PCDHGA11: variants seen among roughly 807,000 people sequenced by gnomAD.
The protein encoded by PCDHGA11 is protocadherin gamma subfamily A, 11.
Under a neutral mutation model 60.4 loss-of-function variants are expected in PCDHGA11, and 39 were observed. The ratio of observed to expected loss-of-function variants is 0.65; its 90% CI spans 0.50 to 0.84. The LOEUF (loss-of-function observed/expected upper bound fraction) is 0.84, where lower values mean the gene tolerates loss of function less well. Among genes scored for constraint, PCDHGA11 ranks in the 40% least tolerant of loss-of-function variants. The probability of loss-of-function intolerance (pLI) is 0.00; values close to 1 mark genes in which losing one functional copy is unlikely to be tolerated. For missense variants in PCDHGA11, 1,165 were observed against 1,197.7 expected (o/e 0.97, Z 0.40); for synonymous variants, 533 against 510.3 (o/e 1.04, Z -0.60).
intron 1 of PCDHGA11, among the ~76,000 whole-genome samples, chr5:141,434,567 C>T (rs1220152239): frequency 6.6e-6 from 1 of 152,206 alleles, no homozygotes; most frequent in East Asian, 1.9e-4. Flanking sequence ...TAAGGACATG[C>T]CCCTGCTGCA....
chr5:141,434,261 G>A (rs1269166732), intron 1 of PCDHGA11, among the ~76,000 whole-genome samples: 2 of 152,194 alleles, frequency 1.3e-5, no homozygotes. Context: ...TTGTGGGGGA[G>A]GTGGAAATTA....
At chr5:141,444,059 T>C (rs2098415588) in intron 1 of PCDHGA11, among the ~76,000 whole-genome samples, 1 of 150,620 alleles carries the variant, frequency 6.6e-6, no homozygotes, top group Admixed American at 6.6e-5. Flanking sequence ...ATCTTCAATC[T>C]AGATTCTGAT....
At chr5:141,478,161 C>T (rs201111122) in intron 1 of PCDHGA11, 20 of 1,613,852 alleles carry the variant, frequency 1.2e-5, no homozygotes, top group Admixed American at 3.3e-5. Context: ...TCTGGCTCTG[C>T]CCCCCGGGAG....
intron 1 of PCDHGA11, among the ~76,000 whole-genome samples, chr5:141,433,948 T>C (rs1473404279): frequency 2.0e-5 from 3 of 152,234 alleles, no homozygotes; most frequent in Non-Finnish European, 4.4e-5. Context: ...CATTGTTTCT[T>C]CTACAGTTGT....
At chr5:141,507,262 G>A (rs1294679320) in intron 3 of PCDHGA11, 6 of 151,748 alleles carry the variant, frequency 4.0e-5, no homozygotes, top group Non-Finnish European at 8.8e-5. Flanking sequence ...TAAACAGCAA[G>A]TACTATTTCA....
chr5:141,478,857 C>A, intron 1 of PCDHGA11: 1 of 1,353,600 alleles, frequency 7.4e-7, no homozygotes, highest in Non-Finnish European at 9.8e-7. Context: ...AACACAAGAT[C>A]TCAGCGATCA....
At chr5:141,492,242 C>G (rs2099738685) in intron 1 of PCDHGA11, among the ~76,000 whole-genome samples, 1 of 152,190 alleles carries the variant, frequency 6.6e-6, no homozygotes, top group Admixed American at 6.5e-5. Flanking sequence ...GCTGGCCACC[C>G]CCACGGCCCA....
At position 141,432,180 on chromosome 5, in the gene PCDHGA11, T is replaced by G. The variant is rs943491593; in HGVS notation, c.2433+8520T>G. 2 of 1,614,044 alleles carry G rather than the reference T, an allele frequency of 1.2e-6. No homozygotes were observed. The highest frequency in any genetic ancestry group is 1.7e-6 in the Non-Finnish European group (2 of 1,180,036). ...CCCAGAGGAGTTTCCCTCGTCTCTG[T>G]GACCGCCCACGACCCCGACTGTGAA... On this transcript the variant is annotated intron_variant, in intron 1 of 3. Coordinates refer to ENST00000398587, the MANE Select transcript of PCDHGA11 (RefSeq NM_018914.3). This position sits in a 1 kb window ranked among gnomAD's most constrained non-coding sequence, Gnocchi z 6.0.
intron 2 of PCDHGA11, among the ~76,000 whole-genome samples, chr5:141,496,180 GC>G (rs1054381604): frequency 1.4e-4 from 21 of 151,922 alleles, no homozygotes; most frequent in Non-Finnish European, 2.9e-4. Flanking sequence ...CATCCAAGCA[GC>G]CCCAGCTGCT....
chr5:141,500,497 C>T (rs1214550546), intron 2 of PCDHGA11, among the ~76,000 whole-genome samples: 1 of 152,174 alleles, frequency 6.6e-6, no homozygotes, highest in Non-Finnish European at 1.5e-5. Context: ...GCGTGAGCCA[C>T]CGCGCCTGGC....
chr5:141,489,844 C>T lies in PCDHGA11; in HGVS notation c.2434-4963C>T, dbSNP rs1004902910. 4.3e-6 allele frequency: 7 copies of T among 1,614,148 alleles called. No homozygotes were observed. The African/African-American group carries it at 9.3e-5, about 22-fold the overall frequency. ...GCTGGTGCTAGAGCAGCAGCTGGAT[C>T]GTGAAGCCCAGGCAAGACATCAGCT... On this transcript the variant is annotated intron_variant, in intron 1 of 3. Transcript: ENST00000398587. The surrounding 1 kb of genome is among the most constrained non-coding windows in gnomAD (Gnocchi z 4.5).
At position 141,431,556 on chromosome 5, in the gene PCDHGA11, C is replaced by G. The variant is rs1561853752; in HGVS notation, c.2433+7896C>G. ...GGCACGCAGCTGCTTGTAGTCAACGCTACCGACCCTGACGAAGGAGTCAAT... is the reference window on the plus strand; with the variant it reads ...GGCACGCAGCTGCTTGTAGTCAACGGTACCGACCCTGACGAAGGAGTCAAT... On this transcript the variant is annotated intron_variant, in intron 1 of 3. Transcript: ENST00000398587. The surrounding 1 kb of genome is among the most constrained non-coding windows in gnomAD (Gnocchi z 4.8). 3 of 1,614,138 alleles carry G rather than the reference C, an allele frequency of 1.9e-6. No individual in the cohort carries two copies. The highest frequency in any genetic ancestry group is 2.5e-6 in the Non-Finnish European group (3 of 1,180,022).
At position 141,432,374 on chromosome 5, in the gene PCDHGA11, C is replaced by G; in HGVS notation, c.2433+8714C>G. The G allele has an allele frequency of 6.2e-7, 1 of 1,614,240 alleles. No individual in the cohort carries two copies. The highest frequency in any genetic ancestry group is 1.1e-5 in the South Asian group (1 of 91,082). ...GAAAGTGATGGCGCGGGACAACGGG[C>G]ACCCGCCCCTCAGCAGCAACGTGTC... On this transcript the variant is annotated intron_variant, in intron 1 of 3. Transcript: ENST00000398587. The surrounding 1 kb of genome is among the most constrained non-coding windows in gnomAD (Gnocchi z 6.0).
rs35821115 is a variant in PCDHGA11, at chr5:141,460,961, ATGTG to A, written c.2434-33826_2434-33823del. 3.6e-3 allele frequency among the ~76,000 whole-genome samples: 519 copies of A among 144,600 alleles called. 3 individuals carry two copies. The highest frequency in any genetic ancestry group is 4.3e-3 in the African/African-American group (168 of 38,712). The allele number at this position is 144,600 out of a possible 152,430, so 94.9% of individuals were successfully genotyped here. A position where few individuals can be genotyped will look rare whatever the true frequency, so the allele number is the denominator to read the frequency against. ...ATATATATGTATTATGTATATATAT[ATGTG>A]TGTGTGTGTGTGTGTGTGTATATAT... On this transcript the variant is annotated intron_variant, in intron 1 of 3. Transcript: ENST00000398587.
Position 141,431,264 on chromosome 5 carries a change from A to T in PCDHGA11, c.2433+7604A>T. The T allele has an allele frequency of 6.2e-7, 1 of 1,614,170 alleles. No individual in the cohort carries two copies. On this transcript the variant is annotated intron_variant, in intron 1 of 3. Coordinates refer to ENST00000398587, the MANE Select transcript of PCDHGA11 (RefSeq NM_018914.3). This position sits in a 1 kb window ranked among gnomAD's most constrained non-coding sequence, Gnocchi z 4.8. ...GGATATCGGGAAGAACTCTCTGCAG[A>T]GCTACGAGCTCAGCCCGAACACTCA...
In PCDHGA11 at chr5:141,431,887, T is replaced by C; in HGVS notation, c.2433+8227T>C. The C allele has an allele frequency of 1.2e-6, 2 of 1,614,190 alleles. No individual in the cohort carries two copies. The highest frequency in any genetic ancestry group is 1.7e-6 in the Non-Finnish European group (2 of 1,179,996). ...TTTTAAATGTAAATGACCAAGATTCTGAGGAAAACGGACAGGTGATCTGTT... is the reference window on the plus strand; with the variant it reads ...TTTTAAATGTAAATGACCAAGATTCCGAGGAAAACGGACAGGTGATCTGTT... On this transcript the variant is annotated intron_variant, in intron 1 of 3. Coordinates refer to ENST00000398587, the MANE Select transcript of PCDHGA11 (RefSeq NM_018914.3). The surrounding 1 kb of genome is among the most constrained non-coding windows in gnomAD (Gnocchi z 4.8).
intron 1 of PCDHGA11, 91 bp from the exon 2 acceptor site, chr5:141,494,716 C>T (rs1448674271): frequency 3.7e-6 from 6 of 1,604,970 alleles, no homozygotes; most frequent in East Asian, 4.5e-5. Flanking sequence ...TGCCCACTCC[C>T]CTCCTTCTCT....
At position 141,449,665 on chromosome 5, in the gene PCDHGA11, G is replaced by T. The variant is rs144213743; in HGVS notation, c.2433+26005G>T. 9.3e-5 allele frequency among the ~76,000 whole-genome samples: 14 copies of T among 150,156 alleles called. No individual in the cohort carries two copies. In the East Asian group the frequency reaches 2.7e-3, roughly 29 times the overall value. Reference sequence around the variant, plus strand: ...TATACATATTTACATACACACCCAAGTGTGTATGTATATATGTTTGTGTGT... The same window carrying T: ...TATACATATTTACATACACACCCAATTGTGTATGTATATATGTTTGTGTGT... On this transcript the variant is annotated intron_variant, in intron 1 of 3. Coordinates refer to ENST00000398587, the MANE Select transcript of PCDHGA11 (RefSeq NM_018914.3).
At chr5:141,427,411 A>C (rs1256606726) in intron 1 of PCDHGA11, 2 of 464,124 alleles carry the variant, frequency 4.3e-6, no homozygotes, top group Admixed American at 2.3e-5. Flanking sequence ...GATTCGAGAG[A>C]AAATGGGGAG....
Sources: gnomAD v4.1 joint callset for allele counts (sites outside exome capture counted in the v4.1 genomes callset) on GRCh38, gnomAD v4.1.1 for gene constraint, Gnocchi (gnomAD v3.1) non-coding constraint, MANE v1.5 for transcripts, NCBI Gene and HGNC (gene_info 2026-07-23, HGNC 2026-07-21) for gene names.